The following CRIM1 variants were observed in gnomAD, a reference collection of about 807,000 sequenced individuals.
CRIM1 encodes the protein cysteine-rich motor neuron 1 protein.
In CRIM1, 32 loss-of-function variants were observed where a neutral mutation model predicts 116.4. The observed-to-expected ratio is 0.27, with a 90% CI of 0.21 to 0.37. The LOEUF (loss-of-function observed/expected upper bound fraction) is 0.37. Ranked by LOEUF, CRIM1 falls within the 10% of genes least tolerant of loss-of-function variation. The pLI, the probability that CRIM1 is intolerant of heterozygous loss-of-function variation, is 1.00. For synonymous variants in CRIM1, 590 were observed against 509.2 expected (o/e 1.16, Z -2.13); for missense variants, 1,331 against 1,354.8 (o/e 0.98, Z 0.28).
chr2:36,476,681 G>A (rs1678997257), intron 5 of CRIM1, among the ~76,000 whole-genome samples: 1 of 151,658 alleles, frequency 6.6e-6, no homozygotes, highest in South Asian at 2.1e-4. Flanking sequence ...TCTGTTCCTT[G>A]GTGTAAACTG....
intron 8 of CRIM1, among the ~76,000 whole-genome samples, chr2:36,501,722 A>G (rs919871248): frequency 1.3e-5 from 2 of 150,440 alleles, no homozygotes; most frequent in African/African-American, 5.0e-5. Context: ...ACCCTTTTTC[A>G]AAAAACTAAC....
intron 2 of CRIM1, 78 bp from the exon 3 acceptor site, chr2:36,441,180 A>G (rs2124934832): frequency 1.3e-6 from 2 of 1,582,722 alleles, no homozygotes; most frequent in Admixed American, 1.7e-5. Context: ...TAAATAGATC[A>G]TCAGGACTGT....
At chr2:36,380,070 A>T (rs1003338035) in intron 1 of CRIM1, among the ~76,000 whole-genome samples, 2 of 152,166 alleles carry the variant, frequency 1.3e-5, no homozygotes, top group Admixed American at 1.3e-4. Context: ...TGGCAGCCCT[A>T]AATGGGCTCC....
chr2:36,494,012 T>G (rs1680412377), intron 7 of CRIM1, among the ~76,000 whole-genome samples: 4 of 152,200 alleles, frequency 2.6e-5, no homozygotes, highest in Admixed American at 2.6e-4. Context: ...TCTTACTTCC[T>G]TGGCCAGTTT....
intron 14 of CRIM1, among the ~76,000 whole-genome samples, chr2:36,539,308 G>A (rs1175818160): frequency 6.6e-6 from 1 of 152,222 alleles, no homozygotes; most frequent in Admixed American, 6.5e-5. Flanking sequence ...GAGTGGGAAC[G>A]TGCTGTGCGT....
Position 36,517,562 on chromosome 2 carries a change from G to T in CRIM1, c.2206+20G>T. ...GTACAGGTAAGCGACACCATGCCTTGTGGGTGCTTGGTGGGGAAGGATGCA... is the reference window on the plus strand; with the variant it reads ...GTACAGGTAAGCGACACCATGCCTTTTGGGTGCTTGGTGGGGAAGGATGCA... On this transcript the variant is annotated intron_variant, in intron 12 of 16. Transcript: ENST00000280527. 6.3e-7 allele frequency: 1 copy of T among 1,598,528 alleles called. No homozygotes were observed. Among genetic ancestry groups the T allele is most frequent in the Non-Finnish European group, 8.6e-7 (1 of 1,168,288 alleles).
intron 4 of CRIM1, among the ~76,000 whole-genome samples, chr2:36,445,871 A>C (rs1423853272): frequency 6.6e-6 from 1 of 152,206 alleles, no homozygotes; most frequent in African/African-American, 2.4e-5. Context: ...GAGCCATGTC[A>C]AATGTCCACT....
At chr2:36,358,336 A>T (rs577633810) in intron 1 of CRIM1, among the ~76,000 whole-genome samples, 32 of 152,244 alleles carry the variant, frequency 2.1e-4, no homozygotes, top group Admixed American at 3.9e-4. Context: ...TGTATAACTT[A>T]ATCCGGCCTC....
rs551150905 is a variant in CRIM1 at position 36,368,720 on chromosome 2, A to G, written c.331+12097A>G. Among the ~76,000 whole-genome samples the G allele has an allele frequency of 2.4e-4, 37 of 152,340 alleles. 1 individual carries two copies. In the South Asian group the frequency reaches 6.4e-3, roughly 26 times the overall value. ...TGAGAAAACTCAGTGGCTAATTATT[A>G]CATAGCTCTCTTCCATGATTCTCAC... On this transcript the variant is annotated intron_variant, in intron 1 of 16. Coordinates refer to ENST00000280527, the MANE Select transcript of CRIM1 (RefSeq NM_016441.3).
intron 3 of CRIM1, among the ~76,000 whole-genome samples, chr2:36,442,054 C>G (rs562993819): frequency 6.6e-6 from 1 of 152,264 alleles, no homozygotes; most frequent in Admixed American, 6.5e-5. Flanking sequence ...TTTACTCACC[C>G]TCTTTGCCAA....
chr2:36,447,494 C>G (rs1676337886), intron 4 of CRIM1, among the ~76,000 whole-genome samples: 2 of 152,130 alleles, frequency 1.3e-5, no homozygotes. Flanking sequence ...TCTTCTGTAG[C>G]CAGCTGGCAG....
At chr2:36,459,962 G>A (rs1375335921) in intron 4 of CRIM1, among the ~76,000 whole-genome samples, 1 of 152,182 alleles carries the variant, frequency 6.6e-6, no homozygotes, top group Non-Finnish European at 1.5e-5. Flanking sequence ...TGAAGGGAAA[G>A]CTTAAATGTG....
intron 12 of CRIM1, among the ~76,000 whole-genome samples, chr2:36,520,921 C>G (rs376455247): frequency 2.6e-5 from 4 of 152,146 alleles, no homozygotes; most frequent in African/African-American, 9.7e-5. Flanking sequence ...GAAGAACATA[C>G]GACAACTCTT....
chr2:36,393,783 G>C (rs1378894565), intron 1 of CRIM1, among the ~76,000 whole-genome samples: 1 of 152,218 alleles, frequency 6.6e-6, no homozygotes, highest in African/African-American at 2.4e-5. Flanking sequence ...CATGGGAGCA[G>C]TTCCTGCGTG....
Position 36,374,070 on chromosome 2 carries a change from T to G in CRIM1, c.331+17447T>G, listed in dbSNP as rs578040038. 2.0e-5 allele frequency among the ~76,000 whole-genome samples: 3 copies of G among 152,312 alleles called. No homozygotes were observed. In the South Asian group the frequency reaches 6.2e-4, roughly 32 times the overall value. ...CCTAAGGCACCTACCAGGTTTATAGTTGCTGATGTCCTACCCATACTATGT... is the reference window on the plus strand; with the variant it reads ...CCTAAGGCACCTACCAGGTTTATAGGTGCTGATGTCCTACCCATACTATGT... On this transcript the variant is annotated intron_variant, in intron 1 of 16. Coordinates refer to ENST00000280527, the MANE Select transcript of CRIM1 (RefSeq NM_016441.3).
chr2:36,517,690 C>A, intron 12 of CRIM1, 148 bp downstream of exon 12: 2 of 683,310 alleles, frequency 2.9e-6, no homozygotes, highest in Non-Finnish European at 2.4e-6. Flanking sequence ...CAGCCTGCTT[C>A]CTGCATGTAT....
At chr2:36,511,179 G>T (rs547196974) in intron 9 of CRIM1, among the ~76,000 whole-genome samples, 3 of 152,050 alleles carry the variant, frequency 2.0e-5, no homozygotes, top group Admixed American at 1.3e-4. Flanking sequence ...TGGCTCAAGC[G>T]ATCAGCCTAC....
At position 36,410,207 on chromosome 2, in the gene CRIM1, T is replaced by C. The variant is rs547153710; in HGVS notation, c.505+13420T>C. ...CTAAATCGAGGATGTGTTTTTTTTGTTTCTGGTTGACAACTTCCTAGTTTT... is the reference window on the plus strand; with the variant it reads ...CTAAATCGAGGATGTGTTTTTTTTGCTTCTGGTTGACAACTTCCTAGTTTT... On this transcript the variant is annotated intron_variant, in intron 2 of 16. Transcript: ENST00000280527. Among the ~76,000 whole-genome samples, 8 of 152,322 alleles carry C rather than the reference T, an allele frequency of 5.3e-5. 1 individual carries two copies. Among genetic ancestry groups the C allele is most frequent in the African/African-American group, 1.7e-4 (7 of 41,574 alleles).
chr2:36,392,749 G>A (rs960638574), intron 1 of CRIM1, among the ~76,000 whole-genome samples: 3 of 152,108 alleles, frequency 2.0e-5, no homozygotes, highest in Non-Finnish European at 4.4e-5. Context: ...CCTATGAAGC[G>A]GTGGTTGCTA....
Sources: gnomAD v4.1 joint callset for allele counts (sites outside exome capture counted in the v4.1 genomes callset) on GRCh38, gnomAD v4.1.1 for gene constraint, MANE v1.5 for transcripts, NCBI Gene and HGNC (gene_info 2026-07-23, HGNC 2026-07-21) for gene names.